WDR76: variants seen among roughly 807,000 people sequenced by gnomAD.
The protein encoded by WDR76 is WD repeat domain 76, also known as WD repeat-containing protein 76.
In WDR76, 52 loss-of-function variants were observed where a neutral mutation model predicts 70.2. That is an observed-to-expected ratio of 0.74 (90% CI 0.59 to 0.93). The LOEUF (loss-of-function observed/expected upper bound fraction) is 0.93. WDR76 is among the 40% of genes least tolerant of loss of function. WDR76 has a pLI of 0.00. For synonymous variants in WDR76, 292 were observed against 271.1 expected (o/e 1.08, Z -0.76); for missense variants, 756 against 760.2 (o/e 0.99, Z 0.07).
intron 8 of WDR76, among the ~76,000 whole-genome samples, chr15:43,850,384 C>T (rs2087841970): frequency 6.6e-6 from 1 of 151,930 alleles, no homozygotes; most frequent in Admixed American, 6.6e-5. Flanking sequence ...CAAGCTCCAC[C>T]TCCCGGATTC....
At chr15:43,828,510 A>AC in intron 2 of WDR76, 144 bp downstream of exon 2, 1 of 768,726 alleles carries the variant, frequency 1.3e-6, no homozygotes, top group Non-Finnish European at 1.9e-6. Context: ...ATACATTTTT[A>AC]TTATTTTTAA....
At chr15:43,863,474 A>T (rs1025809420) in intron 12 of WDR76, among the ~76,000 whole-genome samples, 1 of 151,626 alleles carries the variant, frequency 6.6e-6, no homozygotes, top group Admixed American at 6.6e-5. Flanking sequence ...TATTTCTCCT[A>T]TTAACTGAAA....
chr15:43,857,154 C>T lies in WDR76; in HGVS notation c.1400C>T (p.Ala467Val), dbSNP rs1311098147. ...HPVHRQYFIT[A>V]GLRDTHIYDA... ...GTGCATAGACAGTATTTTATCACTGCCGGATTGAGGTATGGTCTTTATAAG... is the reference window on the plus strand; with the variant it reads ...GTGCATAGACAGTATTTTATCACTGTCGGATTGAGGTATGGTCTTTATAAG... Residue 467 changes from alanine to valine, a missense_variant, in exon 10 of 13, where the codon GCC (alanine) becomes GTC (valine). Physicochemically the swap from Ala to Val is moderately conservative, Grantham distance 64. Coordinates refer to ENST00000263795, the MANE Select transcript of WDR76 (RefSeq NM_024908.4). The T allele has an allele frequency of 6.2e-7, 1 of 1,612,570 alleles. No homozygotes were observed. The highest frequency in any genetic ancestry group is 2.2e-5 in the East Asian group (1 of 44,854).
At chr15:43,830,117 T>A (rs1467212517) in intron 2 of WDR76, among the ~76,000 whole-genome samples, 1 of 151,414 alleles carries the variant, frequency 6.6e-6, no homozygotes, top group Non-Finnish European at 1.5e-5. Flanking sequence ...TCCTCCAACC[T>A]CAGACTCCCA....
intron 2 of WDR76, among the ~76,000 whole-genome samples, chr15:43,830,921 A>G (rs565943275): frequency 1.3e-5 from 2 of 151,804 alleles, no homozygotes; most frequent in African/African-American, 2.4e-5. Flanking sequence ...GGTGGTGGGC[A>G]CCTGTAGTCC....
intron 2 of WDR76, 51 bp from the exon 3 acceptor site, chr15:43,835,010 T>C (rs759398268): frequency 6.6e-7 from 1 of 1,505,542 alleles, no homozygotes; most frequent in South Asian, 1.1e-5. Flanking sequence ...GTGAAGTGCT[T>C]TTCCTGTAGA....
chr15:43,858,932 T>A, intron 11 of WDR76, 109 bp downstream of exon 11: 1 of 1,380,294 alleles, frequency 7.2e-7, no homozygotes, highest in Non-Finnish European at 9.9e-7. Flanking sequence ...ATTGCTAGTG[T>A]TATTGTTTAG....
chr15:43,847,456 CTG>C lies in WDR76; in HGVS notation c.1032+3404_1032+3405del, dbSNP rs377349873. On this transcript the variant is annotated intron_variant, in intron 8 of 12. Transcript: ENST00000263795. ...TTTTTTTTTTGAGACGAGTCTTGCT[CTG>C]TTGCCCAGGCTGGCATGCAGTGGCG... Among the ~76,000 whole-genome samples the C allele has an allele frequency of 5.4e-3, 809 of 151,168 alleles. 5 individuals are homozygous for C. The highest frequency in any genetic ancestry group is 0.019 in the African/African-American group (775 of 41,156).
chr15:43,827,200 C>T (rs1273889191), intron 1 of WDR76, 108 bp downstream of exon 1: 7 of 1,413,690 alleles, frequency 5.0e-6, no homozygotes, highest in African/African-American at 2.8e-5. Flanking sequence ...CGGGGGTAGG[C>T]GGGGGATCCC....
At chr15:43,864,729 G>C (rs1478343421) in intron 12 of WDR76, among the ~76,000 whole-genome samples, 3 of 151,382 alleles carry the variant, frequency 2.0e-5, no homozygotes, top group African/African-American at 7.3e-5. Context: ...TGAGTAGCTG[G>C]ATTACAGGCA....
intron 9 of WDR76, among the ~76,000 whole-genome samples, chr15:43,856,603 CTTTTTTT>C (rs947724840): frequency 7.6e-6 from 1 of 131,746 alleles, no homozygotes; most frequent in Non-Finnish European, 1.7e-5. Flanking sequence ...TGTTTTGTTT[CTTTTTTT>C]TTTTTTTAAT....
rs569000439 is a variant in WDR76 at position 43,850,167 on chromosome 15, G to A, written c.1033-920G>A. The stretch of plus-strand genomic sequence containing the variant: ...AGAAACATAACTTGTTCTGAAAAGC[G>A]ACTTCTCAGGAGCTGGCAATCCAGT... On this transcript the variant is annotated intron_variant, in intron 8 of 12. Coordinates refer to ENST00000263795, the MANE Select transcript of WDR76 (RefSeq NM_024908.4). Among the ~76,000 whole-genome samples, 102 of 152,210 alleles carry A rather than the reference G, an allele frequency of 6.7e-4. 1 individual carries two copies. Among genetic ancestry groups the A allele is most frequent in the Middle Eastern group, 3.4e-3 (1 of 294 alleles).
At chr15:43,828,458 A>C (rs2087546105) in intron 2 of WDR76, 92 bp downstream of exon 2, 6 of 1,201,166 alleles carry the variant, frequency 5.0e-6, no homozygotes, top group Non-Finnish European at 6.9e-6. Context: ...TCTCTGGTAC[A>C]AACAAGTTAT....
chr15:43,831,520 C>T (rs1172484844), intron 2 of WDR76, among the ~76,000 whole-genome samples: 1 of 151,960 alleles, frequency 6.6e-6, no homozygotes, highest in Non-Finnish European at 1.5e-5. Flanking sequence ...CTCACTGCAA[C>T]CTTCACCTCC....
In WDR76 at chr15:43,859,824, ACT is replaced by A. The variant is rs769418595; in HGVS notation, c.1562+1004_1562+1005del. 5.3e-5 allele frequency among the ~76,000 whole-genome samples: 8 copies of A among 152,252 alleles called. No homozygotes were observed. In the East Asian group the frequency reaches 1.5e-3, roughly 29 times the overall value. Reference sequence around the variant, plus strand: ...TTCTACTAATCTATTTAGGCAATAAACTCTAGTGCCAGCAAACCACACTAGAA... The same window carrying A: ...TTCTACTAATCTATTTAGGCAATAAACTAGTGCCAGCAAACCACACTAGAA... On this transcript the variant is annotated intron_variant, in intron 11 of 12. Coordinates refer to ENST00000263795, the MANE Select transcript of WDR76 (RefSeq NM_024908.4).
rs932290420 is a variant in WDR76, at chr15:43,868,131, A to G, written c.*1739A>G. 8 of 152,216 alleles carry G rather than the reference A, an allele frequency of 5.3e-5. No homozygotes were observed. The highest frequency in any genetic ancestry group is 1.9e-4 in the African/African-American group (8 of 41,454). The allele number at this position is 152,216 out of a possible 1,614,324, so 9.4% of individuals were successfully genotyped here. A position where few individuals can be genotyped will look rare whatever the true frequency, so the allele number is the denominator to read the frequency against. ...AGTTGATATAAGTAGAAGAATTGAC[A>G]AGTGAGATGGAAATGTTAATTTATA... On this transcript the variant is annotated 3_prime_UTR_variant, in exon 13 of 13. Transcript: ENST00000263795.
chr15:43,852,457 C>T (rs1010945304), intron 9 of WDR76, among the ~76,000 whole-genome samples: 3 of 151,984 alleles, frequency 2.0e-5, no homozygotes, highest in Middle Eastern at 3.4e-3. Flanking sequence ...CTGCAAGCTC[C>T]GCCTCCCAGG....
intron 8 of WDR76, 127 bp downstream of exon 8, chr15:43,844,181 T>C (rs1694213207): frequency 3.8e-6 from 3 of 789,120 alleles, no homozygotes; most frequent in African/African-American, 3.6e-5. Flanking sequence ...TATGATGCTT[T>C]ATGATTCCAA....
chr15:43,855,895 GAT>G lies in WDR76; in HGVS notation c.1192-1048_1192-1047del, dbSNP rs566801964. Among the ~76,000 whole-genome samples the G allele has an allele frequency of 4.8e-3, 722 of 151,370 alleles. 19 individuals are homozygous for G. Among genetic ancestry groups the G allele is most frequent in the Non-Finnish European group, 2.1e-3 (141 of 67,902 alleles). On this transcript the variant is annotated intron_variant, in intron 9 of 12. Transcript: ENST00000263795. ...ATGATAAAATATTTACAGTAAATCA[GAT>G]ATGAAAGTAAATCTGCCTGTTGTTC...
Sources: gnomAD v4.1 joint callset for allele counts (sites outside exome capture counted in the v4.1 genomes callset) on GRCh38, gnomAD v4.1.1 for gene constraint, MANE v1.5 for transcripts, NCBI Gene and HGNC (gene_info 2026-07-23, HGNC 2026-07-21) for gene names.